KCNJ16: variants seen among roughly 807,000 people sequenced by gnomAD.
KCNJ16 encodes the protein potassium inwardly rectifying channel subfamily J member 16.
KCNJ16 carries 15 observed loss-of-function variants against 18.5 expected under a neutral mutation model. That is an observed-to-expected ratio of 0.81 (90% CI 0.54 to 1.25). The LOEUF (loss-of-function observed/expected upper bound fraction) is 1.25. KCNJ16 is among the 50% of genes most tolerant of loss of function. KCNJ16 has a pLI of 0.00. For missense variants in KCNJ16, 523 were observed against 525.7 expected (o/e 0.99, Z 0.05); for synonymous variants, 174 against 186.5 (o/e 0.93, Z 0.55).
chr17:70,081,239 C>G (rs934304114), intron 1 of KCNJ16, among the ~76,000 whole-genome samples: 2 of 151,962 alleles, frequency 1.3e-5, no homozygotes, highest in African/African-American at 2.4e-5. Flanking sequence ...GATCTCACGC[C>G]CAAGGAGAAC....
At chr17:70,097,167 G>A (rs2072415789) in intron 1 of KCNJ16, among the ~76,000 whole-genome samples, 1 of 152,108 alleles carries the variant, frequency 6.6e-6, no homozygotes, top group Admixed American at 6.5e-5. Flanking sequence ...AACGAGACAT[G>A]ACCTCACTGG....
chr17:70,101,285 G>C (rs1427154474), intron 2 of KCNJ16: 1 of 152,090 alleles, frequency 6.6e-6, no homozygotes, highest in African/African-American at 2.4e-5. Flanking sequence ...GAATTTTCTG[G>C]CCCTAAATAT....
At chr17:70,076,815 G>A (rs1188228231) in intron 1 of KCNJ16, among the ~76,000 whole-genome samples, 2 of 152,036 alleles carry the variant, frequency 1.3e-5, no homozygotes, top group African/African-American at 2.4e-5. Flanking sequence ...ATATATAAAG[G>A]GCATTGAAAG....
chr17:70,121,066 TTGTC>T (rs1225402693), intron 2 of KCNJ16, among the ~76,000 whole-genome samples: 2 of 152,140 alleles, frequency 1.3e-5, no homozygotes, highest in African/African-American at 4.8e-5. Context: ...GTGACAAAGT[TTGTC>T]TGGGTGTGGC....
At chr17:70,110,268 T>A (rs2073129249) in intron 2 of KCNJ16, among the ~76,000 whole-genome samples, 1 of 152,158 alleles carries the variant, frequency 6.6e-6, no homozygotes, top group South Asian at 2.1e-4. Flanking sequence ...TTCCCATATC[T>A]AATAATCACC....
At chr17:70,089,574 G>T (rs558368605) in intron 1 of KCNJ16, among the ~76,000 whole-genome samples, 1 of 152,294 alleles carries the variant, frequency 6.6e-6, no homozygotes, top group South Asian at 2.1e-4. Flanking sequence ...AATGCCTGCA[G>T]TTACTGAAGC....
chr17:70,125,951 A>G (rs964879834), intron 2 of KCNJ16, among the ~76,000 whole-genome samples: 2 of 152,066 alleles, frequency 1.3e-5, no homozygotes, highest in Non-Finnish European at 2.9e-5. Context: ...AGAAAAATAG[A>G]AAACAGAGGA....
At chr17:70,126,822 C>T (rs1276694028) in intron 2 of KCNJ16, among the ~76,000 whole-genome samples, 1 of 152,188 alleles carries the variant, frequency 6.6e-6, no homozygotes, top group East Asian at 1.9e-4. Flanking sequence ...ATCCTGACAT[C>T]CAGAACCATG....
chr17:70,088,092 C>T (rs1431065092), intron 1 of KCNJ16, among the ~76,000 whole-genome samples: 1 of 151,164 alleles, frequency 6.6e-6, no homozygotes, highest in Non-Finnish European at 1.5e-5. Context: ...GCCAAGGCAC[C>T]TCACCACCAC....
intron 2 of KCNJ16, among the ~76,000 whole-genome samples, chr17:70,106,985 G>C (rs1357911061): frequency 6.6e-6 from 1 of 152,092 alleles, no homozygotes; most frequent in African/African-American, 2.4e-5. Context: ...TTTCCTGATG[G>C]TTTCTTCTAC....
At chr17:70,115,581 T>G (rs1012230504) in intron 2 of KCNJ16, among the ~76,000 whole-genome samples, 16 of 151,962 alleles carry the variant, frequency 1.1e-4, no homozygotes, top group African/African-American at 3.4e-4. Flanking sequence ...AGCCAAGAAA[T>G]AAAGGTATTA....
intron 1 of KCNJ16, among the ~76,000 whole-genome samples, chr17:70,092,949 A>G (rs1056998166): frequency 6.6e-6 from 1 of 152,192 alleles, no homozygotes; most frequent in African/African-American, 2.4e-5. Flanking sequence ...CTACTGACTC[A>G]AATGCTAATC....
chr17:70,115,358 C>T (rs2144061501), intron 2 of KCNJ16, among the ~76,000 whole-genome samples: 1 of 152,074 alleles, frequency 6.6e-6, no homozygotes, highest in East Asian at 1.9e-4. Flanking sequence ...TAGCTGGGGA[C>T]AGCTATTTAG....
In KCNJ16 at chr17:70,124,058, C is replaced by G. The variant is rs116258395; in HGVS notation, c.-190-6821C>G. ...AGCCAAATCACACCTATCAATAGTG[C>G]TCTCACTTAACAACCAGATAGTGAC... On this transcript the variant is annotated intron_variant, in intron 2 of 3. Transcript: ENST00000392671. Among the ~76,000 whole-genome samples the G allele has an allele frequency of 2.0e-5, 2 of 98,644 alleles. 1 individual carries two copies. The highest frequency in any genetic ancestry group is 5.6e-4 in the South Asian group (2 of 3,544). The allele number at this position is 98,644 out of a possible 152,430, so 64.7% of individuals were successfully genotyped here.
At position 70,088,234 on chromosome 17, in the gene KCNJ16, G is replaced by A. The variant is rs78125850; in HGVS notation, c.-299-12424G>A. Among the ~76,000 whole-genome samples, 870 of 152,124 alleles carry A rather than the reference G, an allele frequency of 5.7e-3. 5 individuals are homozygous for A. The highest frequency in any genetic ancestry group is 0.019 in the African/African-American group (788 of 41,488). On this transcript the variant is annotated intron_variant, in intron 1 of 3. Transcript: ENST00000392671. Reference sequence around the variant, plus strand: ...ATTTTTTTCACGGATGGAGGAGAGAGGGGATATGAAACTGTTCCATCTCAG... The same window carrying A: ...ATTTTTTTCACGGATGGAGGAGAGAAGGGATATGAAACTGTTCCATCTCAG...
chr17:70,121,854 G>A (rs1056478260), intron 2 of KCNJ16, among the ~76,000 whole-genome samples: 11 of 152,158 alleles, frequency 7.2e-5, no homozygotes, highest in South Asian at 2.1e-4. Context: ...TCCCAGCTAC[G>A]AGGTTGAGGT....
In KCNJ16 at chr17:70,135,007, CTTTTTT is replaced by C. The variant is rs34903097; in HGVS notation, c.*1674_*1679del. ...ATCCTTCCCTTTCTCCTTCTTTTCC[CTTTTTT>C]TTTTTTTTTTGACCTGGGAGTAATA... On this transcript the variant is annotated 3_prime_UTR_variant, in exon 4 of 4. Coordinates refer to ENST00000392671, the MANE Select transcript of KCNJ16 (RefSeq NM_170741.4). 4.4e-5 allele frequency: 6 copies of C among 137,058 alleles called. No individual in the cohort carries two copies. The highest frequency in any genetic ancestry group is 1.4e-4 in the African/African-American group (5 of 35,186). The allele number at this position is 137,058 out of a possible 1,614,324, so 8.5% of individuals were successfully genotyped here.
At chr17:70,087,151 G>A (rs554033417) in intron 1 of KCNJ16, among the ~76,000 whole-genome samples, 1 of 151,112 alleles carries the variant, frequency 6.6e-6, no homozygotes, top group South Asian at 2.1e-4. Flanking sequence ...CAGGTGATCC[G>A]CCTGCTTCGG....
chr17:70,085,443 C>A (rs2071751803), intron 1 of KCNJ16, among the ~76,000 whole-genome samples: 1 of 152,158 alleles, frequency 6.6e-6, no homozygotes, highest in African/African-American at 2.4e-5. Context: ...ACTATGTAGT[C>A]ATGTAGTAAA....
Sources: gnomAD v4.1 joint callset for allele counts (sites outside exome capture counted in the v4.1 genomes callset) on GRCh38, gnomAD v4.1.1 for gene constraint, MANE v1.5 for transcripts, NCBI Gene and HGNC (gene_info 2026-07-23, HGNC 2026-07-21) for gene names.